The following GSG1L variants were observed in gnomAD, a reference collection of about 807,000 sequenced individuals.
The protein encoded by GSG1L is GSG1 like.
Under a neutral mutation model 42.1 loss-of-function variants are expected in GSG1L, and 24 were observed. The observed-to-expected ratio is 0.57, with a 90% CI of 0.41 to 0.80. The LOEUF is 0.80. Ranked by LOEUF, GSG1L falls within the 30% of genes least tolerant of loss-of-function variation. The probability of loss-of-function intolerance (pLI) is 0.00; values close to 1 mark genes in which losing one functional copy is unlikely to be tolerated. For synonymous variants in GSG1L, 215 were observed against 203.5 expected (o/e 1.06, Z -0.48); for missense variants, 445 against 472.2 (o/e 0.94, Z 0.53).
chr16:27,836,134 T>C (rs1328615184), intron 4 of GSG1L, among the ~76,000 whole-genome samples: 2 of 152,176 alleles, frequency 1.3e-5, no homozygotes, highest in African/African-American at 4.8e-5. Flanking sequence ...TGATAGTTCT[T>C]TTCTTTCAGC....
chr16:28,051,713 G>C (rs2086224056), intron 1 of GSG1L, among the ~76,000 whole-genome samples: 1 of 152,204 alleles, frequency 6.6e-6, no homozygotes. Flanking sequence ...GTGTGTGCAA[G>C]AGGACAGTGG....
chr16:27,856,684 T>A (rs1388004565), intron 3 of GSG1L, among the ~76,000 whole-genome samples: 1 of 152,284 alleles, frequency 6.6e-6, no homozygotes, highest in African/African-American at 2.4e-5. Flanking sequence ...GATACTGGCT[T>A]TTCATTTCCA....
chr16:27,979,480 C>T (rs1227971815), intron 1 of GSG1L, among the ~76,000 whole-genome samples: 1 of 148,822 alleles, frequency 6.7e-6, no homozygotes, highest in East Asian at 2.0e-4. Flanking sequence ...GCAGGAGAAT[C>T]GCTTGAACCT....
At chr16:27,805,827 A>C (rs1409362796) in intron 6 of GSG1L, among the ~76,000 whole-genome samples, 1 of 151,148 alleles carries the variant, frequency 6.6e-6, no homozygotes, top group African/African-American at 2.4e-5. Flanking sequence ...TGACCCTGAG[A>C]ACTCTCGTTC....
At chr16:27,878,405 C>A (rs1476842548) in intron 3 of GSG1L, among the ~76,000 whole-genome samples, 2 of 152,100 alleles carry the variant, frequency 1.3e-5, no homozygotes, top group South Asian at 4.2e-4. Context: ...CTTATGAAAC[C>A]ATCAGAACTC....
chr16:27,920,545 C>T (rs1202550430), intron 2 of GSG1L, among the ~76,000 whole-genome samples: 1 of 152,182 alleles, frequency 6.6e-6, no homozygotes, highest in Non-Finnish European at 1.5e-5. Context: ...CGTTTGCTAT[C>T]TGATCTTGCA....
Position 27,793,729 on chromosome 16 carries a change from A to T in GSG1L, c.899-2262T>A, listed in dbSNP as rs149857671. On this transcript the variant is annotated intron_variant, in intron 6 of 6. Coordinates refer to ENST00000447459, the MANE Select transcript of GSG1L (RefSeq NM_001109763.2). ...CTGTCCCCTGGATGCAGAGGGCAAGATGCTGAGGACTGGGGCCCTCCTCCC... is the reference window on the plus strand; with the variant it reads ...CTGTCCCCTGGATGCAGAGGGCAAGTTGCTGAGGACTGGGGCCCTCCTCCC... Among the ~76,000 whole-genome samples the T allele has an allele frequency of 3.5e-3, 540 of 152,312 alleles. 7 individuals carry two copies. The highest frequency in any genetic ancestry group is 5.3e-3 in the Non-Finnish European group (359 of 68,030).
At chr16:27,977,682 T>C (rs56007348) in intron 1 of GSG1L, among the ~76,000 whole-genome samples, 29,251 of 151,842 alleles carry the variant, frequency 0.19, 3,330 homozygotes, top group Non-Finnish European at 0.26. Flanking sequence ...AATTTCCATC[T>C]TTTGCAAAAG....
chr16:27,860,291 G>A (rs1173045769), intron 3 of GSG1L, among the ~76,000 whole-genome samples: 1 of 152,194 alleles, frequency 6.6e-6, no homozygotes, highest in African/African-American at 2.4e-5. Context: ...GCTCAGCCCT[G>A]CCCTCGTCCT....
intron 1 of GSG1L, among the ~76,000 whole-genome samples, chr16:28,018,395 T>A (rs1201816360): frequency 6.6e-6 from 1 of 152,196 alleles, no homozygotes; most frequent in Non-Finnish European, 1.5e-5. Context: ...ATCACATCCT[T>A]ACCCAACCAC....
intron 1 of GSG1L, among the ~76,000 whole-genome samples, chr16:27,990,951 A>T (rs1431284672): frequency 1.3e-5 from 2 of 152,232 alleles, no homozygotes; most frequent in Non-Finnish European, 2.9e-5. Context: ...AAAATTCCTT[A>T]TGTAAGTTCC....
intron 2 of GSG1L, among the ~76,000 whole-genome samples, chr16:27,910,675 C>G (rs541425746): frequency 2.8e-4 from 42 of 152,198 alleles, no homozygotes; most frequent in Admixed American, 5.9e-4. Context: ...AGCCCCTGGT[C>G]AGGATGACTG....
chr16:27,878,447 G>A (rs550199164), intron 3 of GSG1L, among the ~76,000 whole-genome samples: 63 of 152,234 alleles, frequency 4.1e-4, no homozygotes, highest in East Asian at 5.8e-4. Flanking sequence ...TAAGAATAGC[G>A]TGGGGGAAAC....
intron 3 of GSG1L, among the ~76,000 whole-genome samples, chr16:27,854,354 G>A (rs2083549091): frequency 1.5e-5 from 2 of 131,686 alleles, no homozygotes; most frequent in African/African-American, 5.6e-5. Context: ...ACGGAAGGAG[G>A]AGGAGGGGGA....
chr16:27,845,454 T>A (rs1395640364), intron 3 of GSG1L, among the ~76,000 whole-genome samples: 1 of 152,190 alleles, frequency 6.6e-6, no homozygotes. Context: ...CAGGCTGGTC[T>A]CAAACTCCTG....
In GSG1L at chr16:27,848,912, T is replaced by A. The variant is rs181731814; in HGVS notation, c.551-3851A>T. On this transcript the variant is annotated intron_variant, in intron 3 of 6. Coordinates refer to ENST00000447459, the MANE Select transcript of GSG1L (RefSeq NM_001109763.2). ...GTAGCAGAGTGAGCAAGGGGTAGGA[T>A]GGGCCTGGTGCGGTGGCTCACGCCT... Among the ~76,000 whole-genome samples the A allele has an allele frequency of 7.0e-3, 1,066 of 151,992 alleles. 13 individuals carry two copies. Among genetic ancestry groups the A allele is most frequent in the African/African-American group, 0.024 (1,005 of 41,472 alleles).
intron 1 of GSG1L, among the ~76,000 whole-genome samples, chr16:28,035,602 A>G (rs982373088): frequency 2.6e-5 from 4 of 152,202 alleles, no homozygotes; most frequent in African/African-American, 9.7e-5. Flanking sequence ...GTACTCCATC[A>G]TGATAATAGC....
chr16:27,790,210 AATG>A lies in GSG1L; in HGVS notation c.*1157_*1159del, dbSNP rs1483934370. 1.3e-5 allele frequency: 2 copies of A among 151,428 alleles called. No individual in the cohort carries two copies. Among genetic ancestry groups the A allele is most frequent in the Non-Finnish European group, 3.0e-5 (2 of 67,790 alleles). The allele number at this position is 151,428 out of a possible 1,614,324, so 9.4% of individuals were successfully genotyped here. A position where few individuals can be genotyped will look rare whatever the true frequency, so the allele number is the denominator to read the frequency against. ...TGAATGGGTGGATAATAGATGGACGAATGATGAATGGATGGATGGATAATGGAT... is the reference window on the plus strand; with the variant it reads ...TGAATGGGTGGATAATAGATGGACGAATGAATGGATGGATGGATAATGGAT... On this transcript the variant is annotated 3_prime_UTR_variant, in exon 7 of 7. Transcript: ENST00000447459.
chr16:27,832,438 C>T lies in GSG1L; in HGVS notation c.663-3482G>A, dbSNP rs182434358. Among the ~76,000 whole-genome samples the T allele has an allele frequency of 6.6e-5, 10 of 152,316 alleles. 1 individual carries two copies. The highest frequency in any genetic ancestry group is 2.4e-4 in the African/African-American group (10 of 41,556). On this transcript the variant is annotated intron_variant, in intron 4 of 6. Transcript: ENST00000447459. ...GTTCTTCATTTCAATAATTTTACCT[C>T]TTCAAGTATTTTACATAAATAAAAT...
Sources: allele counts gnomAD v4.1 joint callset (sites outside exome capture counted in the v4.1 genomes callset), GRCh38; gene constraint gnomAD v4.1.1; transcripts MANE v1.5; gene names NCBI Gene and HGNC (gene_info 2026-07-23, HGNC 2026-07-21).